The following RIMBP2 variants were observed in gnomAD, a reference collection of about 807,000 sequenced individuals.
RIMBP2 encodes the protein RIMS-binding protein 2.
A neutral mutation model predicts 118.6 loss-of-function variants in RIMBP2; 48 were observed. The observed-to-expected ratio is 0.40, with a 90% CI of 0.32 to 0.51. The LOEUF (loss-of-function observed/expected upper bound fraction) is 0.51, where lower values mean the gene tolerates loss of function less well. Ranked by LOEUF, RIMBP2 falls within the 20% of genes least tolerant of loss-of-function variation. The pLI, the probability that RIMBP2 is intolerant of heterozygous loss-of-function variation, is 0.41. For synonymous variants in RIMBP2, 762 were observed against 742.9 expected, an observed-to-expected ratio of 1.03 and a Z score of -0.42; for missense variants, 1,551 against 1,768.3, an observed-to-expected ratio of 0.88 and a Z score of 2.20.
intron 21 of RIMBP2, among the ~76,000 whole-genome samples, chr12:130,404,792 C>T (rs1363357022): frequency 1.3e-5 from 2 of 152,076 alleles, no homozygotes; most frequent in East Asian, 3.8e-4. Context: ...GGAGGTGGGA[C>T]TCTTTACAAA....
chr12:130,551,579 CA>C (rs2055791980), intron 2 of RIMBP2, among the ~76,000 whole-genome samples: 1 of 151,984 alleles, frequency 6.6e-6, no homozygotes, highest in Non-Finnish European at 1.5e-5. Context: ...ATTGCTTTGG[CA>C]AGGGCTGCTA....
At chr12:130,407,607 A>T in intron 20 of RIMBP2, 119 bp downstream of exon 20, 1 of 845,762 alleles carries the variant, frequency 1.2e-6, no homozygotes, top group Non-Finnish European at 2.1e-6. Flanking sequence ...AGCCCTTCCT[A>T]CGGATGGTTC....
chr12:130,652,986 A>G (rs1455500014), intron 1 of RIMBP2, among the ~76,000 whole-genome samples: 1 of 152,138 alleles, frequency 6.6e-6, no homozygotes, highest in Admixed American at 6.5e-5. Context: ...CCCCTTCCCA[A>G]CAGTGAGGAT....
chr12:130,649,139 C>A (rs781269222), intron 1 of RIMBP2, among the ~76,000 whole-genome samples: 1 of 145,538 alleles, frequency 6.9e-6, no homozygotes, highest in Non-Finnish European at 1.6e-5. Context: ...GAGGTGGGTA[C>A]GGAGGTGGCA....
In RIMBP2 at chr12:130,447,686, G is replaced by A. The variant is rs968636836; in HGVS notation, c.582-2417C>T. ...ACTGTGCAGTGAGGACCATCTCTCC[G>A]TACAGCTGGCGAAAGGAAGGATGGT... On this transcript the variant is annotated intron_variant, in intron 9 of 22. Transcript: ENST00000690449. This position sits in a 1 kb window ranked among gnomAD's most constrained non-coding sequence, Gnocchi z 4.4. Among the ~76,000 whole-genome samples the A allele has an allele frequency of 2.6e-5, 4 of 152,260 alleles. No individual in the cohort carries two copies. Among genetic ancestry groups the A allele is most frequent in the South Asian group, 4.2e-4 (2 of 4,818 alleles).
intron 4 of RIMBP2, among the ~76,000 whole-genome samples, chr12:130,485,519 A>G (rs2082399861): frequency 6.6e-6 from 1 of 152,252 alleles, no homozygotes; most frequent in South Asian, 2.1e-4. Flanking sequence ...CTCGCGGCCC[A>G]CCTGGCCTGG....
Position 130,424,434 on chromosome 12 carries a change from C to A in RIMBP2, c.2837G>T (p.Gly946Val). ...CGGGCCCCTCCTGCAGGGACAGTGA[C>A]CAGGGCCTGGGCTGCACGCGGCCAC... ...NTVAACSPGP[G>V]HCPCRRGPRP... The change falls in exon 16 of 23, where the codon GGT (glycine) becomes GTT (valine). Residue 946 changes from glycine (G) to valine (V), a missense_variant. Physicochemically the swap from Gly to Val is moderately radical, Grantham distance 109. Transcript: ENST00000690449. The surrounding 1 kb of genome is among the most constrained non-coding windows in gnomAD (Gnocchi z 9.8). The A allele has an allele frequency of 8.1e-7, 1 of 1,232,696 alleles. No individual in the cohort carries two copies. Among genetic ancestry groups the A allele is most frequent in the Non-Finnish European group, 1.0e-6 (1 of 988,182 alleles). The allele number at this position is 1,232,696 out of a possible 1,614,324, so 76.4% of individuals were successfully genotyped here.
intron 4 of RIMBP2, among the ~76,000 whole-genome samples, chr12:130,481,376 G>C (rs1567996): frequency 0.64 from 96,748 of 152,024 alleles, 31,124 homozygotes; most frequent in East Asian, 0.74. Flanking sequence ...GCTGTGGTTG[G>C]TGGGATATTT....
chr12:130,476,035 A>G (rs1323751260), intron 5 of RIMBP2, among the ~76,000 whole-genome samples: 1 of 152,104 alleles, frequency 6.6e-6, no homozygotes, highest in Non-Finnish European at 1.5e-5. Context: ...GTCATGAGAC[A>G]GTGAGTATAG....
At chr12:130,537,286 G>A (rs959095953) in intron 2 of RIMBP2, among the ~76,000 whole-genome samples, 13 of 152,182 alleles carry the variant, frequency 8.5e-5, no homozygotes, top group African/African-American at 2.4e-4. Context: ...TTGGCTTTAC[G>A]CCAAAAGTTT....
chr12:130,416,499 G>T (rs2076108264), intron 17 of RIMBP2, among the ~76,000 whole-genome samples: 1 of 152,210 alleles, frequency 6.6e-6, no homozygotes, highest in Non-Finnish European at 1.5e-5. Flanking sequence ...AATAAATGCT[G>T]CTGGGATAAC....
chr12:130,608,809 A>C (rs1047421329), intron 2 of RIMBP2, among the ~76,000 whole-genome samples: 1 of 151,826 alleles, frequency 6.6e-6, no homozygotes, highest in Non-Finnish European at 1.5e-5. Flanking sequence ...CTTAATACCC[A>C]CTCTCTTAAC....
chr12:130,482,960 G>T (rs1427006225), intron 4 of RIMBP2, among the ~76,000 whole-genome samples: 1 of 96,206 alleles, frequency 1.0e-5, no homozygotes, highest in Admixed American at 9.9e-5. Flanking sequence ...ATTCTGCAGG[G>T]GAGGGGGCAG....
rs973023660 is a variant in RIMBP2 at position 130,431,178 on chromosome 12, C to T, written c.2254-2841G>A. On this transcript the variant is annotated intron_variant, in intron 14 of 22. Transcript: ENST00000690449. The surrounding 1 kb of genome is among the most constrained non-coding windows in gnomAD (Gnocchi z 4.0). ...GCCTCCCTTCTTTCATTCATTCATTCGACAAACATTCATTGAGCACCTACT... is the reference window on the plus strand; with the variant it reads ...GCCTCCCTTCTTTCATTCATTCATTTGACAAACATTCATTGAGCACCTACT... 1.3e-5 allele frequency among the ~76,000 whole-genome samples: 2 copies of T among 152,094 alleles called. No individual in the cohort carries two copies. The highest frequency in any genetic ancestry group is 2.4e-5 in the African/African-American group (1 of 41,404).
intron 2 of RIMBP2, among the ~76,000 whole-genome samples, chr12:130,535,972 A>G (rs1429072289): frequency 6.6e-6 from 1 of 151,810 alleles, no homozygotes; most frequent in Admixed American, 6.6e-5. Flanking sequence ...TATTTTTTGT[A>G]GAGACGGGGT....
At chr12:130,661,936 G>C (rs150999604) in intron 1 of RIMBP2, among the ~76,000 whole-genome samples, 18 of 152,294 alleles carry the variant, frequency 1.2e-4, no homozygotes, top group African/African-American at 4.1e-4. Context: ...CACTATTTCT[G>C]TATGTGTCAC....
chr12:130,531,662 T>C (rs950428117), intron 2 of RIMBP2, among the ~76,000 whole-genome samples: 1 of 152,214 alleles, frequency 6.6e-6, no homozygotes, highest in Admixed American at 6.5e-5. Flanking sequence ...CACATGTACA[T>C]GTTTCTCATA....
chr12:130,456,598 C>T lies in RIMBP2; in HGVS notation c.256G>A (p.Asp86Asn), dbSNP rs142828341. Residue 86 changes from aspartate to asparagine, a missense_variant, in exon 7 of 23, where the codon GAC (aspartate) becomes AAC (asparagine). Transcript: ENST00000690449. ...GCCACCGCGCTGCCACCCAGCAGGT[C>T]AATCTTGCCAGCGTGCTGCCGGAAC... ...EKFRQHAGKIDLLGGSAVAPL... is the reference protein window; with the variant it reads ...EKFRQHAGKINLLGGSAVAPL... The T allele has an allele frequency of 7.3e-4, 1,172 of 1,613,726 alleles. 6 individuals carry two copies. The Middle Eastern group carries it at 0.011, about 15-fold the overall frequency.
intron 12 of RIMBP2, 26 bp downstream of exon 12, chr12:130,438,339 T>TGGGGGGGGGGGGGGGG: frequency 1.3e-6 from 1 of 755,644 alleles, no homozygotes; most frequent in Non-Finnish European, 2.1e-6. Context: ...TAACAAACCC[T>TGGGGGGGGGGGGGGGG]CCCCACCCAC....
Sources: allele counts gnomAD v4.1 joint callset (sites outside exome capture counted in the v4.1 genomes callset), GRCh38; gene constraint gnomAD v4.1.1; non-coding constraint Gnocchi (gnomAD v3.1); transcripts MANE v1.5; gene names NCBI Gene and HGNC (gene_info 2026-07-23, HGNC 2026-07-21).